Variants in MEF2C observed in about 807,000 individuals in gnomAD.
MEF2C encodes the protein myocyte-specific enhancer factor 2C.
A neutral mutation model predicts 50.5 loss-of-function variants in MEF2C; 6 were observed. The observed-to-expected ratio is 0.12, with a 90% CI of 0.07 to 0.23. The LOEUF (loss-of-function observed/expected upper bound fraction) is 0.23, where lower values mean the gene tolerates loss of function less well. MEF2C is among the 10% of genes least tolerant of loss of function. The pLI is 1.00. For synonymous variants in MEF2C, 183 were observed against 228.0 expected (o/e 0.80, Z 1.78); for missense variants, 276 against 605.0 (o/e 0.46, Z 5.70).
intron 1 of MEF2C, among the ~76,000 whole-genome samples, chr5:88,899,231 G>A (rs1582053312): frequency 2.0e-5 from 3 of 152,154 alleles, no homozygotes; most frequent in Middle Eastern, 6.8e-3. Context: ...AAGTGATTTT[G>A]TTTTCCCCAC....
In MEF2C at chr5:88,749,212, C is replaced by G. The variant is rs10514303; in HGVS notation, c.590-95G>C. Reference sequence around the variant, plus strand: ...GCAACCTCAGTATTTTGTCCTCTTGCAATAGTCATAAACTTGTAAAGTACA... The same window carrying G: ...GCAACCTCAGTATTTTGTCCTCTTGGAATAGTCATAAACTTGTAAAGTACA... On this transcript the variant is annotated intron_variant, in intron 5 of 10. Transcript: ENST00000504921. 1.3e-5 allele frequency: 17 copies of G among 1,345,028 alleles called. No individual in the cohort carries two copies. In the South Asian group the frequency reaches 2.7e-4, roughly 21 times the overall value. The allele number at this position is 1,345,028 out of a possible 1,614,324, so 83.3% of individuals were successfully genotyped here.
intron 1 of MEF2C, among the ~76,000 whole-genome samples, chr5:88,872,394 C>T (rs1829780569): frequency 6.6e-6 from 1 of 151,858 alleles, no homozygotes; most frequent in Non-Finnish European, 1.5e-5. Context: ...TATTTAATAA[C>T]ATCAAATCTG....
At chr5:88,875,078 G>A (rs1220238786) in intron 1 of MEF2C, among the ~76,000 whole-genome samples, 1 of 151,908 alleles carries the variant, frequency 6.6e-6, no homozygotes, top group Admixed American at 6.6e-5. Flanking sequence ...AATGTAACTG[G>A]TAATTAAAGC....
chr5:88,739,114 G>T (rs1380861302), intron 6 of MEF2C: 1 of 985,212 alleles, frequency 1.0e-6, no homozygotes, highest in African/African-American at 1.7e-5. Flanking sequence ...CAATGTTACA[G>T]TGAAATGTCC....
rs532908641 is a variant in MEF2C, at chr5:88,740,024, G to A, written c.638-8123C>T. The A allele has an allele frequency of 1.2e-4, 114 of 985,062 alleles. 1 individual carries two copies. In the African/African-American group the frequency reaches 1.9e-3, roughly 16 times the overall value. The allele number at this position is 985,062 out of a possible 1,614,324, so 61.0% of individuals were successfully genotyped here. ...TCTCTGAAACCTCAGTGCATTTTGT[G>A]GTATATTCTTAGAGAAATACCCCAA... On this transcript the variant is annotated intron_variant, in intron 6 of 10. Transcript: ENST00000504921.
At chr5:88,782,725 A>G (rs1031485380) in intron 3 of MEF2C, among the ~76,000 whole-genome samples, 1 of 152,214 alleles carries the variant, frequency 6.6e-6, no homozygotes, top group African/African-American at 2.4e-5. Context: ...TACAAAACGT[A>G]AAATATTTTG....
chr5:88,748,551 T>G (rs575254604), intron 6 of MEF2C, among the ~76,000 whole-genome samples: 1 of 152,350 alleles, frequency 6.6e-6, no homozygotes, highest in South Asian at 2.1e-4. Context: ...TAGGGTCTTT[T>G]GGGGATGCAT....
chr5:88,826,702 T>C (rs1358097393), intron 1 of MEF2C, among the ~76,000 whole-genome samples: 1 of 152,000 alleles, frequency 6.6e-6, no homozygotes, highest in Non-Finnish European at 1.5e-5. Context: ...ACTTTAGTAA[T>C]CTGTAAAACT....
chr5:88,823,710 T>C (rs1306647380), intron 2 of MEF2C, 25 bp downstream of exon 2: 9 of 1,573,010 alleles, frequency 5.7e-6, no homozygotes, highest in South Asian at 4.7e-5. Context: ...TAAATAATGA[T>C]ACAAAAAAAG....
At chr5:88,862,361 G>C (rs927630110) in intron 1 of MEF2C, among the ~76,000 whole-genome samples, 5 of 152,098 alleles carry the variant, frequency 3.3e-5, no homozygotes, top group Admixed American at 2.6e-4. Flanking sequence ...TGGCAACATA[G>C]GAGGGACAAG....
chr5:88,756,052 G>A (rs1775135894), intron 4 of MEF2C, among the ~76,000 whole-genome samples: 1 of 152,110 alleles, frequency 6.6e-6, no homozygotes, highest in Non-Finnish European at 1.5e-5. Context: ...TATAATTATG[G>A]TATCAGAGTA....
intron 3 of MEF2C, chr5:88,771,365 G>T: frequency 1.1e-6 from 1 of 881,708 alleles, no homozygotes; most frequent in Non-Finnish European, 1.4e-6. Flanking sequence ...CCTCCTCTCA[G>T]TTACACAAAC....
At chr5:88,868,439 A>G (rs909773001) in intron 1 of MEF2C, among the ~76,000 whole-genome samples, 2 of 152,162 alleles carry the variant, frequency 1.3e-5, no homozygotes, top group African/African-American at 4.8e-5. Flanking sequence ...GTAAATCAGG[A>G]TAAGTATAAC....
chr5:88,757,359 C>T (rs997064256), intron 4 of MEF2C, among the ~76,000 whole-genome samples: 1 of 151,594 alleles, frequency 6.6e-6, no homozygotes, highest in Admixed American at 6.6e-5. Context: ...CTTTTTTTGC[C>T]ACTAATGACA....
rs546447328 is a variant in MEF2C at position 88,787,754 on chromosome 5, A to G, written c.258+16844T>C. ...TGGATGAAGATAAAATTCCGCACAT[A>G]CTAATTAAGAAAAATCAGAAGAAAC... On this transcript the variant is annotated intron_variant, in intron 3 of 10. Transcript: ENST00000504921. 3.9e-5 allele frequency among the ~76,000 whole-genome samples: 6 copies of G among 152,314 alleles called. No individual in the cohort carries two copies. In the East Asian group the frequency reaches 1.2e-3, roughly 29 times the overall value.
rs66505441 is a variant in MEF2C at position 88,734,565 on chromosome 5, G to GTTTTT, written c.638-2669_638-2665dup. On this transcript the variant is annotated intron_variant, in intron 6 of 10. Transcript: ENST00000504921. ...TTCACGGAGGCCTTGAGAAAAGTTT[G>GTTTTT]TTTTTTTTTTTTTTTTTTTTTTTTT... 3.4e-3 allele frequency: 1,824 copies of GTTTTT among 540,310 alleles called. 28 individuals carry two copies. Among genetic ancestry groups the GTTTTT allele is most frequent in the Middle Eastern group, 0.012 (10 of 844 alleles). The allele number at this position is 540,310 out of a possible 1,614,324, so 33.5% of individuals were successfully genotyped here. A position where few individuals can be genotyped will look rare whatever the true frequency, so the allele number is the denominator to read the frequency against.
chr5:88,806,464 T>G (rs17558396), intron 2 of MEF2C, among the ~76,000 whole-genome samples: 56,141 of 151,886 alleles, frequency 0.37, 11,805 homozygotes, highest in East Asian at 0.55. Flanking sequence ...CATCTCACCA[T>G]AAACTCAGTC....
At chr5:88,836,408 C>T (rs980414969) in intron 1 of MEF2C, among the ~76,000 whole-genome samples, 2 of 151,982 alleles carry the variant, frequency 1.3e-5, no homozygotes, top group African/African-American at 2.4e-5. Flanking sequence ...ACAAACCAGA[C>T]ATGGAAATAT....
chr5:88,779,096 A>G (rs890042834), intron 3 of MEF2C, among the ~76,000 whole-genome samples: 2 of 152,270 alleles, frequency 1.3e-5, no homozygotes, highest in Admixed American at 6.5e-5. Flanking sequence ...GAAGTTTACA[A>G]TTATGATGCT....
Sources: allele counts gnomAD v4.1 joint callset (sites outside exome capture counted in the v4.1 genomes callset), GRCh38; gene constraint gnomAD v4.1.1; transcripts MANE v1.5; gene names NCBI Gene and HGNC (gene_info 2026-07-23, HGNC 2026-07-21).